Variants in DMD observed in about 807,000 individuals in gnomAD.
The protein encoded by DMD is dystrophin.
A neutral mutation model predicts 330.1 loss-of-function variants in DMD; 63 were observed. The observed-to-expected ratio is 0.19, with a 90% confidence interval of 0.16 to 0.24. The LOEUF is 0.24. Ranked by LOEUF, DMD falls within the 10% of genes least tolerant of loss-of-function variation. The pLI is 1.00. For missense variants in DMD, 3,344 were observed against 2,684.1 expected (o/e 1.25, Z -5.43); for synonymous variants, 1,223 against 959.8 (o/e 1.27, Z -5.07).
At chrX:32,709,744 T>A (rs1379928668) in intron 7 of DMD, among the ~76,000 whole-genome samples, 7 of 111,891 alleles carry the variant, frequency 6.3e-5, no homozygotes, top group Non-Finnish European at 1.1e-4. Flanking sequence ...CTATCCCATT[T>A]AAAGAAGCCC....
At chrX:32,671,730 T>G (rs1167922728) in intron 9 of DMD, among the ~76,000 whole-genome samples, 3 of 112,170 alleles carry the variant, frequency 2.7e-5, no homozygotes, top group Non-Finnish European at 5.7e-5. Flanking sequence ...TTCAGCTTAT[T>G]AAACCCTATG....
chrX:32,401,555 C>G (rs996077021), intron 30 of DMD, among the ~76,000 whole-genome samples: 11 of 110,959 alleles, frequency 9.9e-5, no homozygotes. Flanking sequence ...AGGATCCTTA[C>G]TAGAGGCTGG....
intron 44 of DMD, among the ~76,000 whole-genome samples, chrX:32,162,486 T>C (rs2096853168): frequency 9.0e-6 from 1 of 110,743 alleles, no homozygotes; most frequent in Non-Finnish European, 1.9e-5. Context: ...TTTTCCATAC[T>C]GATCAATGAA....
intron 2 of DMD, among the ~76,000 whole-genome samples, chrX:32,929,255 T>G (rs899320398): frequency 1.8e-5 from 2 of 111,376 alleles, no homozygotes; most frequent in Non-Finnish European, 3.8e-5. Context: ...CAATTAGAGC[T>G]CCACCAAATT....
intron 29 of DMD, 116 bp downstream of exon 29, chrX:32,438,125 C>A: frequency 1.2e-6 from 1 of 810,514 alleles, no homozygotes; most frequent in Non-Finnish European, 1.8e-6. Flanking sequence ...TGGATTGTCT[C>A]TGAAACCTGA....
At chrX:31,824,000 CAG>C (rs969891456) in intron 49 of DMD, among the ~76,000 whole-genome samples, 17 of 112,293 alleles carry the variant, frequency 1.5e-4, no homozygotes, top group African/African-American at 5.5e-4. Flanking sequence ...TTGTCTAAAT[CAG>C]AGAGCTATAA....
In DMD at chrX:31,146,421, C is replaced by A. The variant is rs2036702452; in HGVS notation, c.10798-7G>T. On this transcript the variant is annotated splice_polypyrimidine_tract_variant and splice_region_variant and intron_variant, in intron 75 of 78. Coordinates refer to ENST00000357033, the MANE Select transcript of DMD (RefSeq NM_004006.3). ...CTTTGGCCTCTGCCTGGGGCTAAGT[C>A]ATCCAAAAGAAAACAGAATTACTTT... 8 of 1,206,895 alleles carry A rather than the reference C, an allele frequency of 6.6e-6. No individual in the cohort carries two copies. Among genetic ancestry groups the A allele is most frequent in the South Asian group, 1.8e-5 (1 of 56,661 alleles).
At chrX:32,263,859 T>C (rs769741699) in intron 43 of DMD, among the ~76,000 whole-genome samples, 14 of 111,724 alleles carry the variant, frequency 1.3e-4, no homozygotes, top group Non-Finnish European at 2.6e-4. Flanking sequence ...CCCTCAGCCA[T>C]TGATTTTAAA....
intron 2 of DMD, among the ~76,000 whole-genome samples, chrX:32,899,756 T>C (rs1569540631): frequency 9.0e-6 from 1 of 111,214 alleles, no homozygotes; most frequent in African/African-American, 3.3e-5. Flanking sequence ...ATGTTATGGA[T>C]TCTTATATTG....
At chrX:32,301,282 G>C (rs1489349507) in intron 42 of DMD, among the ~76,000 whole-genome samples, 2 of 107,571 alleles carry the variant, frequency 1.9e-5, no homozygotes, top group East Asian at 5.8e-4. Context: ...GGAGCAGGAA[G>C]CTAACACTCT....
intron 60 of DMD, among the ~76,000 whole-genome samples, chrX:31,421,900 TACACACAC>T (rs201760249): frequency 0.022 from 1,831 of 84,975 alleles, 95 homozygotes; most frequent in African/African-American, 0.087. Flanking sequence ...TATATATATA[TACACACAC>T]ACACACATAT....
chrX:32,371,194 T>C (rs1230378171), intron 34 of DMD, among the ~76,000 whole-genome samples: 1 of 111,908 alleles, frequency 8.9e-6, no homozygotes, highest in Admixed American at 9.5e-5. Context: ...TGTTTGTTCT[T>C]CCTGAGGTTA....
intron 13 of DMD, among the ~76,000 whole-genome samples, chrX:32,583,159 T>G (rs766141533): frequency 8.9e-6 from 1 of 112,193 alleles, no homozygotes; most frequent in Non-Finnish European, 1.9e-5. Context: ...TTGAATAAAG[T>G]CTTTCTTGCC....
intron 49 of DMD, among the ~76,000 whole-genome samples, chrX:31,822,954 G>C (rs192452601): frequency 9.0e-6 from 1 of 110,668 alleles, no homozygotes; most frequent in East Asian, 2.8e-4. Context: ...TAACTTTCTA[G>C]CTCATTACAG....
At chrX:32,363,647 A>C (rs933968162) in intron 36 of DMD, among the ~76,000 whole-genome samples, 1 of 112,143 alleles carries the variant, frequency 8.9e-6, no homozygotes, top group Non-Finnish European at 1.9e-5. Context: ...ATACAGATCC[A>C]CATCAAAATA....
At chrX:33,317,935 A>T (rs767819149) in intron 1 of DMD, among the ~76,000 whole-genome samples, 1 of 111,858 alleles carries the variant, frequency 8.9e-6, no homozygotes, top group East Asian at 2.8e-4. Context: ...TACAGAAGGG[A>T]ACATTTTCCC....
rs1374262553 is a variant in DMD at position 31,265,660 on chromosome X, A to C, written c.9225-4644T>G. On this transcript the variant is annotated intron_variant, in intron 62 of 78. Transcript: ENST00000357033. ...GGTGTTCAAGGGTCAGAGACCTTTCATATAACCGTGTTGCTTCATTTGCTC... is the reference window on the plus strand; with the variant it reads ...GGTGTTCAAGGGTCAGAGACCTTTCCTATAACCGTGTTGCTTCATTTGCTC... 7.3e-5 allele frequency among the ~76,000 whole-genome samples: 8 copies of C among 109,720 alleles called. No individual in the cohort carries two copies. The Admixed American group carries it at 7.8e-4, about 11-fold the overall frequency.
chrX:32,852,688 G>A (rs756458208), intron 2 of DMD, among the ~76,000 whole-genome samples: 2 of 109,528 alleles, frequency 1.8e-5, no homozygotes, highest in Non-Finnish European at 3.8e-5. Context: ...CCCAGGCCTC[G>A]CAGCGTTTAC....
chrX:31,961,749 T>TG (rs1035994592), intron 45 of DMD, among the ~76,000 whole-genome samples: 3 of 94,010 alleles, frequency 3.2e-5, no homozygotes, highest in African/African-American at 1.4e-4. Context: ...GGTTTTTTTT[T>TG]TTTTTTGTCT....
Sources: gnomAD v4.1 joint callset for allele counts (sites outside exome capture counted in the v4.1 genomes callset) on GRCh38, gnomAD v4.1.1 for gene constraint, MANE v1.5 for transcripts, NCBI Gene and HGNC (gene_info 2026-07-23, HGNC 2026-07-21) for gene names.